The following PHACTR4 variants were observed in gnomAD, a reference collection of about 807,000 sequenced individuals.
PHACTR4 encodes protein phosphatase 1, regulatory subunit 124.
Under a neutral mutation model 72.7 loss-of-function variants are expected in PHACTR4, and 51 were observed. The ratio of observed to expected loss-of-function variants is 0.70; its 90% CI spans 0.56 to 0.89. PHACTR4 has a LOEUF of 0.89. Ranked by LOEUF, PHACTR4 falls within the 40% of genes least tolerant of loss-of-function variation. PHACTR4 has a pLI of 0.00. For synonymous variants in PHACTR4, 255 were observed against 302.5 expected (o/e 0.84, Z 1.63); for missense variants, 731 against 861.8 (o/e 0.85, Z 1.90).
intron 1 of PHACTR4, among the ~76,000 whole-genome samples, chr1:28,405,840 G>A (rs1018653811): frequency 6.6e-6 from 1 of 151,566 alleles, no homozygotes; most frequent in Non-Finnish European, 1.5e-5. Context: ...GCAGTGTGCT[G>A]AGATTGCACC....
intron 2 of PHACTR4, among the ~76,000 whole-genome samples, chr1:28,418,733 C>A (rs1655285645): frequency 1.3e-5 from 2 of 151,760 alleles, no homozygotes; most frequent in Non-Finnish European, 2.9e-5. Context: ...AGTGGATCAC[C>A]TGAGGTCAGG....
chr1:28,386,566 A>C (rs1394644863), intron 1 of PHACTR4, among the ~76,000 whole-genome samples: 1 of 152,106 alleles, frequency 6.6e-6, no homozygotes, highest in Non-Finnish European at 1.5e-5. Flanking sequence ...GTCCCTTTGA[A>C]GGTCTCTAAG....
chr1:28,440,432 G>A (rs1243566829), intron 2 of PHACTR4, among the ~76,000 whole-genome samples: 6 of 69,388 alleles, frequency 8.6e-5, no homozygotes, highest in Non-Finnish European at 1.5e-4. Context: ...GTCTTACTCT[G>A]TCGCCCAGGC....
chr1:28,451,194 A>G lies in PHACTR4; in HGVS notation c.17-7891A>G, dbSNP rs1429794830. Among the ~76,000 whole-genome samples the G allele has an allele frequency of 3.3e-5, 5 of 150,442 alleles. No homozygotes were observed. In the East Asian group the frequency reaches 5.8e-4, roughly 18 times the overall value. On this transcript the variant is annotated intron_variant, in intron 2 of 13. Coordinates refer to ENST00000373839, the MANE Select transcript of PHACTR4 (RefSeq NM_001048183.3). ...GGTCTTGAACTCCTGGGTTTAAGCA[A>G]TCCACCCACCTGGCCTTCCAATGTG...
At chr1:28,428,015 A>C (rs1250560157) in intron 2 of PHACTR4, among the ~76,000 whole-genome samples, 1 of 152,252 alleles carries the variant, frequency 6.6e-6, no homozygotes, top group African/African-American at 2.4e-5. Flanking sequence ...CAAATCACTG[A>C]CAAGAAAAAA....
At chr1:28,404,324 C>T (rs1181477841) in intron 1 of PHACTR4, among the ~76,000 whole-genome samples, 1 of 139,588 alleles carries the variant, frequency 7.2e-6, no homozygotes, top group Non-Finnish European at 1.5e-5. Context: ...GCTCTGTAAC[C>T]CAGACTGGAG....
chr1:28,448,589 T>TAAA (rs747826049), intron 2 of PHACTR4, among the ~76,000 whole-genome samples: 3 of 95,822 alleles, frequency 3.1e-5, no homozygotes, highest in Non-Finnish European at 6.1e-5. Context: ...CATCTCTACT[T>TAAA]AAAAAAAAAA....
chr1:28,381,795 CAG>C (rs1422410056), intron 1 of PHACTR4, among the ~76,000 whole-genome samples: 2 of 152,110 alleles, frequency 1.3e-5, no homozygotes, highest in African/African-American at 4.8e-5. Context: ...CTTTTTGAGA[CAG>C]AGTCTTGCTC....
At chr1:28,410,187 C>T (rs11247810) in intron 2 of PHACTR4, among the ~76,000 whole-genome samples, 39,728 of 142,760 alleles carry the variant, frequency 0.28, 6,709 homozygotes, top group African/African-American at 0.34. Context: ...AGGATGATCT[C>T]GAGCTCCTGA....
chr1:28,385,379 A>G (rs1369401149), intron 1 of PHACTR4, among the ~76,000 whole-genome samples: 1 of 151,828 alleles, frequency 6.6e-6, no homozygotes, highest in Non-Finnish European at 1.5e-5. Context: ...CCCCATCTCT[A>G]CTAAAAATTC....
rs1557834428 is a variant in PHACTR4 at position 28,466,677 on chromosome 1, T to C, written c.732T>C (p.Thr244=). The change falls in exon 6 of 14, where the codon ACT becomes ACC. Residue 244 remains threonine, a synonymous_variant. Coordinates refer to ENST00000373839, the MANE Select transcript of PHACTR4 (RefSeq NM_001048183.3). ...LPAAPASTNT[T]ATPSLTHMVP... is the part of the protein sequence containing the mutation. The stretch of plus-strand genomic sequence containing the variant: ...CTGCTCCTGCCAGCACTAACACTAC[T>C]GCTACCCCAAGCCTCACTCATATGG... The C allele has an allele frequency of 6.2e-7, 1 of 1,613,968 alleles. No individual in the cohort carries two copies. The highest frequency in any genetic ancestry group is 2.2e-5 in the East Asian group (1 of 44,884).
chr1:28,448,780 A>AAAAAAAAAAAAC (rs1553195455), intron 2 of PHACTR4, among the ~76,000 whole-genome samples: 5 of 134,442 alleles, frequency 3.7e-5, no homozygotes, highest in African/African-American at 1.4e-4. Flanking sequence ...AAAAAAAAAA[A>AAAAAAAAAAAAC]AAAAACCTGA....
At chr1:28,495,221 G>A (rs1661272047) in intron 13 of PHACTR4, among the ~76,000 whole-genome samples, 1 of 152,100 alleles carries the variant, frequency 6.6e-6, no homozygotes. Context: ...AGGTCCTTGG[G>A]CTACAGCAGG....
At chr1:28,420,932 A>G (rs887926273) in intron 2 of PHACTR4, among the ~76,000 whole-genome samples, 1 of 152,210 alleles carries the variant, frequency 6.6e-6, no homozygotes, top group Non-Finnish European at 1.5e-5. Flanking sequence ...TATAACTTAG[A>G]AAAAAATTAA....
At chr1:28,382,978 A>G (rs1023200937) in intron 1 of PHACTR4, among the ~76,000 whole-genome samples, 1 of 152,038 alleles carries the variant, frequency 6.6e-6, no homozygotes, top group Non-Finnish European at 1.5e-5. Context: ...TTTTCAGTAG[A>G]GACAGGGTTT....
At chr1:28,411,719 ATGG>A (rs1654801398) in intron 2 of PHACTR4, among the ~76,000 whole-genome samples, 1 of 152,156 alleles carries the variant, frequency 6.6e-6, no homozygotes, top group South Asian at 2.1e-4. Context: ...GGCTTGGATG[ATGG>A]TTGCACCAGA....
intron 1 of PHACTR4, among the ~76,000 whole-genome samples, chr1:28,400,782 G>A (rs1282580508): frequency 2.0e-5 from 3 of 152,078 alleles, no homozygotes; most frequent in Non-Finnish European, 2.9e-5. Context: ...GTTTCCCTAT[G>A]TTGGCCAGGC....
chr1:28,438,347 A>G, intron 2 of PHACTR4: 1 of 1,601,236 alleles, frequency 6.2e-7, no homozygotes, highest in East Asian at 2.3e-5. Context: ...TTTGTCCGGG[A>G]CAGTTTGTTG....
intron 2 of PHACTR4, among the ~76,000 whole-genome samples, chr1:28,451,389 A>AT (rs765097635): frequency 0.084 from 12,114 of 143,594 alleles, 977 homozygotes; most frequent in African/African-American, 0.22. Context: ...TTGTAGCAGG[A>AT]TTTTTTTTTT....
Sources: gnomAD v4.1 joint callset for allele counts (sites outside exome capture counted in the v4.1 genomes callset) on GRCh38, gnomAD v4.1.1 for gene constraint, MANE v1.5 for transcripts, NCBI Gene and HGNC (gene_info 2026-07-23, HGNC 2026-07-21) for gene names.